SPATA21: variants seen among roughly 807,000 people sequenced by gnomAD.
SPATA21 encodes the protein spermatogenesis associated 21.
SPATA21 carries 47 observed loss-of-function variants against 54.8 expected under a neutral mutation model. That is an observed-to-expected ratio of 0.86 (90% CI 0.68 to 1.09). The LOEUF is 1.09. Ranked by LOEUF, SPATA21 falls within the 50% of genes least tolerant of loss-of-function variation. The pLI, the probability that SPATA21 is intolerant of heterozygous loss-of-function variation, is 0.00. For synonymous variants in SPATA21, 245 were observed against 235.3 expected, an observed-to-expected ratio of 1.04 and a Z score of -0.38; for missense variants, 599 against 596.4, an observed-to-expected ratio of 1.00 and a Z score of -0.05.
At chr1:16,419,567 G>A (rs1265151004) in intron 5 of SPATA21, among the ~76,000 whole-genome samples, 1 of 152,206 alleles carries the variant, frequency 6.6e-6, no homozygotes, top group Non-Finnish European at 1.5e-5. Context: ...GAAGACTGCT[G>A]TGGTCATGTT....
chr1:16,425,640 C>A, intron 3 of SPATA21: 1 of 1,550,146 alleles, frequency 6.5e-7, no homozygotes, highest in African/African-American at 1.4e-5. Flanking sequence ...ACTTCAGGAA[C>A]CCAGGAAGGC....
At chr1:16,431,243 C>T in intron 3 of SPATA21, 95 bp downstream of exon 3, 2 of 1,610,630 alleles carry the variant, frequency 1.2e-6, no homozygotes, top group African/African-American at 2.7e-5. Context: ...AGGTCCCTAC[C>T]TTGCTGACTC....
chr1:16,421,634 C>T lies in SPATA21; in HGVS notation c.96-77G>A. 6.9e-7 allele frequency: 1 copy of T among 1,452,892 alleles called. No homozygotes were observed. The highest frequency in any genetic ancestry group is 2.4e-5 in the East Asian group (1 of 41,920). The allele number at this position is 1,452,892 out of a possible 1,614,324, so 90.0% of individuals were successfully genotyped here. ...CCCCCCTGCCCTCCCCTCTCAGCCC[C>T]CAGGACACTCAGTTCCACCCCAGCC... On this transcript the variant is annotated intron_variant, in intron 4 of 12. Transcript: ENST00000335496. This position sits in a 1 kb window ranked among gnomAD's most constrained non-coding sequence, Gnocchi z 5.2.
At chr1:16,429,873 A>G (rs1189518509) in intron 3 of SPATA21, among the ~76,000 whole-genome samples, 1 of 150,758 alleles carries the variant, frequency 6.6e-6, no homozygotes, top group Non-Finnish European at 1.5e-5. Context: ...GGCACATTCA[A>G]AAAGAGGCCA....
chr1:16,401,010 A>G, intron 10 of SPATA21, 118 bp from the exon 11 acceptor site: 1 of 1,259,724 alleles, frequency 7.9e-7, no homozygotes, highest in Non-Finnish European at 1.1e-6. Flanking sequence ...GAGTCAGGAA[A>G]CCTGGCTTCT....
At chr1:16,424,971 T>G (rs907078917) in intron 3 of SPATA21, 9 of 305,236 alleles carry the variant, frequency 2.9e-5, no homozygotes, top group African/African-American at 2.0e-4. Context: ...CTGGTTGGAG[T>G]GCAATGGCGC....
Position 16,431,740 on chromosome 1 carries a change from C to T in SPATA21, c.-51-318G>A, listed in dbSNP as rs995978401. Reference sequence around the variant, plus strand: ...AATCCCAAAACCCAGGCGCTTTCCCCGACGGCGACATTTCCTACAGGGTAT... The same window carrying T: ...AATCCCAAAACCCAGGCGCTTTCCCTGACGGCGACATTTCCTACAGGGTAT... On this transcript the variant is annotated intron_variant, in intron 2 of 12. Transcript: ENST00000335496. 2.1e-4 allele frequency among the ~76,000 whole-genome samples: 32 copies of T among 152,162 alleles called. 1 individual carries two copies. The highest frequency in any genetic ancestry group is 2.4e-5 in the African/African-American group (1 of 41,450).
rs773955939 is a variant in SPATA21 at position 16,409,893 on chromosome 1, G to A, written c.295C>T (p.His99Tyr). 1.2e-6 allele frequency: 2 copies of A among 1,613,602 alleles called. No homozygotes were observed. The highest frequency in any genetic ancestry group is 1.3e-5 in the African/African-American group (1 of 75,038). The change falls in exon 6 of 13, where the codon CAT (histidine) becomes TAT (tyrosine). Residue 99 changes from histidine to tyrosine, a missense_variant. Coordinates refer to ENST00000335496, the MANE Select transcript of SPATA21 (RefSeq NM_198546.1). The surrounding 1 kb of genome is among the most constrained non-coding windows in gnomAD (Gnocchi z 4.1). ...LLEVEKMEAS[H>Y]RRASKARSQT... is the part of the protein sequence containing the mutation. ...GACCGGGCCTTCGAGGCTCTCCGATGGGAGGCCTCCATTTTCTCCACCTCC... is the reference window on the plus strand; with the variant it reads ...GACCGGGCCTTCGAGGCTCTCCGATAGGAGGCCTCCATTTTCTCCACCTCC...
At position 16,431,583 on chromosome 1, in the gene SPATA21, A is replaced by G. The variant is rs114694135; in HGVS notation, c.-51-161T>C. Among the ~76,000 whole-genome samples, 1,343 of 152,268 alleles carry G rather than the reference A, an allele frequency of 8.8e-3. 35 individuals carry two copies. Among genetic ancestry groups the G allele is most frequent in the African/African-American group, 0.031 (1,286 of 41,538 alleles). ...GCAGCAAAACCAGAGAGCTAGCCAC[A>G]TGCCATTTACCCATACGCTTTTCCT... On this transcript the variant is annotated intron_variant, in intron 2 of 12. Coordinates refer to ENST00000335496, the MANE Select transcript of SPATA21 (RefSeq NM_198546.1).
intron 5 of SPATA21, 73 bp from the exon 6 acceptor site, chr1:16,410,116 C>A (rs1188404424): frequency 1.6e-6 from 2 of 1,269,600 alleles, no homozygotes; most frequent in East Asian, 2.5e-5. Context: ...CCCTGCCATC[C>A]CCTCTCCAGA....
intron 8 of SPATA21, among the ~76,000 whole-genome samples, chr1:16,404,472 A>T (rs965281699): frequency 2.0e-5 from 3 of 152,084 alleles, no homozygotes; most frequent in African/African-American, 7.2e-5. Flanking sequence ...TCTGTTGCAA[A>T]AACAAACAAA....
chr1:16,421,546 A>G lies in SPATA21; in HGVS notation c.107T>C (p.Val36Ala), dbSNP rs2086171720. Reference sequence around the variant, plus strand: ...AGGCCCCGGTGCTGGGTGGGTCTCCACAGCCTCACCCCTGAATAGAAGAGA... The same window carrying G: ...AGGCCCCGGTGCTGGGTGGGTCTCCGCAGCCTCACCCCTGAATAGAAGAGA... ...PKKAKGGGEA[V>A]ETHPAPGPLP... The change falls in exon 5 of 13, where the codon GTG becomes GCG. Residue 36 changes from valine to alanine, a missense_variant. Transcript: ENST00000335496. The surrounding 1 kb of genome is among the most constrained non-coding windows in gnomAD (Gnocchi z 5.2). 6.2e-7 allele frequency: 1 copy of G among 1,612,804 alleles called. No individual in the cohort carries two copies. The highest frequency in any genetic ancestry group is 2.2e-5 in the East Asian group (1 of 44,838).
At chr1:16,430,940 C>A (rs1456013291) in intron 3 of SPATA21, among the ~76,000 whole-genome samples, 2 of 152,176 alleles carry the variant, frequency 1.3e-5, no homozygotes, top group African/African-American at 4.8e-5. Context: ...CCTGGAGTGG[C>A]CAGGGCAATC....
At chr1:16,401,810 T>C (rs1295981230) in intron 10 of SPATA21, among the ~76,000 whole-genome samples, 1 of 152,148 alleles carries the variant, frequency 6.6e-6, no homozygotes, top group Admixed American at 6.6e-5. Context: ...CGCAACCCAC[T>C]TGATTTTCTT....
intron 5 of SPATA21, among the ~76,000 whole-genome samples, chr1:16,420,612 G>T (rs1364938160): frequency 6.6e-6 from 1 of 152,158 alleles, no homozygotes; most frequent in Non-Finnish European, 1.5e-5. Flanking sequence ...CGCAGAGAGG[G>T]ATCATGTGGT....
Position 16,411,789 on chromosome 1 carries a change from CAAAAAAAAAAA to C in SPATA21, c.145-1757_145-1747del, listed in dbSNP as rs1170429146. Reference sequence around the variant, plus strand: ...TGGGTGACAGAGCAAGACTCTGTCTCAAAAAAAAAAAAAAAAAAACAAAACAAAACAAAGTC... The same window carrying C: ...TGGGTGACAGAGCAAGACTCTGTCTCAAAAAAAACAAAACAAAACAAAGTC... On this transcript the variant is annotated intron_variant, in intron 5 of 12. Transcript: ENST00000335496. Among the ~76,000 whole-genome samples the C allele has an allele frequency of 5.7e-5, 2 of 35,170 alleles. 1 individual carries two copies. The highest frequency in any genetic ancestry group is 3.8e-3 in the East Asian group (2 of 532). The allele number at this position is 35,170 out of a possible 152,430, so 23.1% of individuals were successfully genotyped here. A position where few individuals can be genotyped will look rare whatever the true frequency, so the allele number is the denominator to read the frequency against.
At chr1:16,416,164 G>A (rs1030209938) in intron 5 of SPATA21, among the ~76,000 whole-genome samples, 18 of 152,230 alleles carry the variant, frequency 1.2e-4, no homozygotes, top group South Asian at 2.1e-4. Context: ...GTGCAGTCAC[G>A]TGGGTACAGG....
In SPATA21 at chr1:16,421,809, C is replaced by G; in HGVS notation, c.95+102G>C. On this transcript the variant is annotated intron_variant, in intron 4 of 12. Transcript: ENST00000335496. This position sits in a 1 kb window ranked among gnomAD's most constrained non-coding sequence, Gnocchi z 5.2. ...CGGAGCATGACTTGCCCAAGGTCCT[C>G]TACCAGGTCAGGAGCAGTCTGGACT... The G allele has an allele frequency of 5.8e-6, 9 of 1,561,936 alleles. No individual in the cohort carries two copies. Among genetic ancestry groups the G allele is most frequent in the Non-Finnish European group, 7.9e-6 (9 of 1,136,438 alleles).
intron 5 of SPATA21, among the ~76,000 whole-genome samples, chr1:16,413,675 G>A (rs192458873): frequency 2.8e-4 from 43 of 152,190 alleles, no homozygotes; most frequent in Admixed American, 2.6e-4. Context: ...GTACAATGGC[G>A]TGATCTTGGC....
Sources: gnomAD v4.1 joint callset for allele counts (sites outside exome capture counted in the v4.1 genomes callset) on GRCh38, gnomAD v4.1.1 for gene constraint, Gnocchi (gnomAD v3.1) non-coding constraint, MANE v1.5 for transcripts, NCBI Gene and HGNC (gene_info 2026-07-23, HGNC 2026-07-21) for gene names.